The following INSR variants were observed in gnomAD, a reference collection of about 807,000 sequenced individuals.
INSR encodes the protein IR.
A neutral mutation model predicts 142.6 loss-of-function variants in INSR; 67 were observed. The observed-to-expected ratio is 0.47, with a 90% CI of 0.39 to 0.58. The LOEUF is 0.58. Among genes scored for constraint, INSR ranks in the 20% least tolerant of loss-of-function variants. The probability of loss-of-function intolerance (pLI) is 0.00; values close to 1 mark genes in which losing one functional copy is unlikely to be tolerated. For synonymous variants in INSR, 756 were observed against 743.1 expected (o/e 1.02, Z -0.28); for missense variants, 1,248 against 1,833.2 (o/e 0.68, Z 5.83).
chr19:7,122,807 G>A (rs761939594), intron 18 of INSR, 34 bp from the exon 19 acceptor site: 5 of 1,613,948 alleles, frequency 3.1e-6, no homozygotes, highest in South Asian at 1.1e-5. Context: ...TGTTTCAGCA[G>A]CACTGGGATC....
Position 7,124,368 on chromosome 19 carries a change from C to CAA in INSR, c.3258+913_3258+914dup, listed in dbSNP as rs764900420. Among the ~76,000 whole-genome samples, 15 of 19,554 alleles carry CAA rather than the reference C, an allele frequency of 7.7e-4. 1 individual carries two copies. In the South Asian group the frequency reaches 0.02, roughly 27 times the overall value. The allele number at this position is 19,554 out of a possible 152,430, so 12.8% of individuals were successfully genotyped here. On this transcript the variant is annotated intron_variant, in intron 17 of 21. Coordinates refer to ENST00000302850, the MANE Select transcript of INSR (RefSeq NM_000208.4). ...TGGGTGACAGAGTGAGACTCCATCT[C>CAA]AAAAAAAAAAAAAAAAAACAATCAG...
At position 7,119,346 on chromosome 19, in the gene INSR, C is replaced by T. The variant is rs1348778760; in HGVS notation, c.3794+103G>A. The T allele has an allele frequency of 1.6e-5, 21 of 1,319,038 alleles. No individual in the cohort carries two copies. Among genetic ancestry groups the T allele is most frequent in the East Asian group, 4.6e-5 (2 of 43,438 alleles). 81.7% of individuals were successfully genotyped at this position (1,319,038 alleles called of 1,614,324 possible). The stretch of plus-strand genomic sequence containing the variant: ...ACCTGTAACATACAGCATGCAAACA[C>T]GGTGAGCGTGTAGACATAGGAAAGG... On this transcript the variant is annotated intron_variant, in intron 21 of 21. Transcript: ENST00000302850. The surrounding 1 kb of genome is among the most constrained non-coding windows in gnomAD (Gnocchi z 5.2).
At position 7,250,599 on chromosome 19, in the gene INSR, AGAGG is replaced by A. The variant is rs1404269427; in HGVS notation, c.652+16742_652+16745del. On this transcript the variant is annotated intron_variant, in intron 2 of 21. Coordinates refer to ENST00000302850, the MANE Select transcript of INSR (RefSeq NM_000208.4). ...GAAGGAGGGAGGGAAGGAAGGAAGG[AGAGG>A]AGGGAGGGAGGGAGGGCAGGGAGGA... Among the ~76,000 whole-genome samples the A allele has an allele frequency of 3.8e-3, 403 of 104,824 alleles. 4 individuals are homozygous for A. The highest frequency in any genetic ancestry group is 0.015 in the African/African-American group (377 of 25,876). The allele number at this position is 104,824 out of a possible 152,430, so 68.8% of individuals were successfully genotyped here.
chr19:7,161,609 G>C (rs1023710068), intron 9 of INSR, among the ~76,000 whole-genome samples: 1 of 152,014 alleles, frequency 6.6e-6, no homozygotes, highest in Admixed American at 6.6e-5. Flanking sequence ...TGCTGCCTTC[G>C]ATCCTTACAA....
chr19:7,236,745 G>A (rs1196479172), intron 2 of INSR, among the ~76,000 whole-genome samples: 1 of 152,184 alleles, frequency 6.6e-6, no homozygotes, highest in African/African-American at 2.4e-5. Context: ...AATGATACAA[G>A]GCCCGGCACG....
Position 7,161,684 on chromosome 19 carries a change from T to C in INSR, c.2029+1348A>G, listed in dbSNP as rs568256144. On this transcript the variant is annotated intron_variant, in intron 9 of 21. Coordinates refer to ENST00000302850, the MANE Select transcript of INSR (RefSeq NM_000208.4). ...TGTCAATAACCATTAGTTGTGTTTC[T>C]AGCTTTGCACAGAAGTCTTGCGTGG... Among the ~76,000 whole-genome samples the C allele has an allele frequency of 2.0e-5, 3 of 152,306 alleles. No homozygotes were observed. The East Asian group carries it at 5.8e-4, about 29-fold the overall frequency.
At chr19:7,149,548 G>A (rs907556261) in intron 11 of INSR, among the ~76,000 whole-genome samples, 13 of 152,042 alleles carry the variant, frequency 8.6e-5, no homozygotes, top group African/African-American at 3.1e-4. Flanking sequence ...CTGGCCAGGG[G>A]CGGTGGCTCA....
chr19:7,251,769 G>C (rs1395734730), intron 2 of INSR, among the ~76,000 whole-genome samples: 9 of 151,974 alleles, frequency 5.9e-5, no homozygotes, highest in Non-Finnish European at 2.9e-5. Flanking sequence ...ACCAGAGTTA[G>C]GGATTATATG....
intron 2 of INSR, among the ~76,000 whole-genome samples, chr19:7,222,818 A>T (rs772400481): frequency 1.3e-5 from 2 of 152,118 alleles, no homozygotes; most frequent in Non-Finnish European, 2.9e-5. Flanking sequence ...GGTATAAGGA[A>T]GTTTGCTTAC....
chr19:7,254,948 C>T (rs1255375642), intron 2 of INSR, among the ~76,000 whole-genome samples: 1 of 152,142 alleles, frequency 6.6e-6, no homozygotes, highest in East Asian at 1.9e-4. Flanking sequence ...TAACTCTACC[C>T]GCCTTCTTCC....
At chr19:7,196,640 CAG>C (rs989194299) in intron 2 of INSR, among the ~76,000 whole-genome samples, 4 of 151,904 alleles carry the variant, frequency 2.6e-5, no homozygotes. Flanking sequence ...AAAAACAAAA[CAG>C]AAAATACAGA....
intron 2 of INSR, among the ~76,000 whole-genome samples, chr19:7,243,099 A>G (rs994232315): frequency 6.6e-6 from 1 of 152,090 alleles, no homozygotes; most frequent in African/African-American, 2.4e-5. Flanking sequence ...AAAAAACATT[A>G]TTAGATTTCC....
At chr19:7,120,552 G>C in intron 20 of INSR, 68 bp downstream of exon 20, 1 of 1,596,004 alleles carries the variant, frequency 6.3e-7, no homozygotes, top group Admixed American at 1.7e-5. Context: ...TCCTTCCCCC[G>C]CTCTTGGCTC....
At chr19:7,238,403 T>A (rs962559876) in intron 2 of INSR, among the ~76,000 whole-genome samples, 4 of 151,916 alleles carry the variant, frequency 2.6e-5, no homozygotes, top group Non-Finnish European at 4.4e-5. Context: ...GTAGATCACT[T>A]GAGGTCATGA....
chr19:7,275,172 A>G (rs1968028916), intron 1 of INSR, among the ~76,000 whole-genome samples: 1 of 151,872 alleles, frequency 6.6e-6, no homozygotes, highest in South Asian at 2.1e-4. Flanking sequence ...ACAAGGTTTC[A>G]CCATGTTGGC....
intron 2 of INSR, among the ~76,000 whole-genome samples, chr19:7,223,190 A>G (rs1975674727): frequency 6.6e-6 from 1 of 152,148 alleles, no homozygotes; most frequent in Non-Finnish European, 1.5e-5. Flanking sequence ...CTCAAAGACA[A>G]ACAAACAAAA....
chr19:7,147,116 G>T (rs958735986), intron 11 of INSR, among the ~76,000 whole-genome samples: 5 of 151,976 alleles, frequency 3.3e-5, no homozygotes, highest in Non-Finnish European at 7.4e-5. Flanking sequence ...TTTCCAAAAG[G>T]ACTTCAATGG....
At chr19:7,282,056 A>C (rs1224019934) in intron 1 of INSR, among the ~76,000 whole-genome samples, 1 of 152,138 alleles carries the variant, frequency 6.6e-6, no homozygotes, top group African/African-American at 2.4e-5. Flanking sequence ...GCTGGAAACA[A>C]AATATGTTTC....
intron 1 of INSR, among the ~76,000 whole-genome samples, chr19:7,270,051 C>T (rs1219866409): frequency 1.3e-5 from 2 of 152,066 alleles, no homozygotes; most frequent in Non-Finnish European, 2.9e-5. Flanking sequence ...CAACCTCCAC[C>T]TCCTGGGTTC....
Sources: allele counts gnomAD v4.1 joint callset (sites outside exome capture counted in the v4.1 genomes callset), GRCh38; gene constraint gnomAD v4.1.1; non-coding constraint Gnocchi (gnomAD v3.1); transcripts MANE v1.5; gene names NCBI Gene and HGNC (gene_info 2026-07-23, HGNC 2026-07-21).